Variants in MYO1C observed in about 807,000 individuals in gnomAD.
MYO1C encodes the protein myosin IC.
In MYO1C, 104 loss-of-function variants were observed where a neutral mutation model predicts 150.8. That is an observed-to-expected ratio of 0.69 (90% CI 0.59 to 0.81). The LOEUF (loss-of-function observed/expected upper bound fraction) is 0.81, where lower values mean the gene tolerates loss of function less well. Ranked by LOEUF, MYO1C falls within the 30% of genes least tolerant of loss-of-function variation. The pLI, the probability that MYO1C is intolerant of heterozygous loss-of-function variation, is 0.00. For missense variants in MYO1C, 1,504 were observed against 1,435.0 expected, an observed-to-expected ratio of 1.05 and a Z score of -0.78; for synonymous variants, 663 against 579.9, an observed-to-expected ratio of 1.14 and a Z score of -2.06.
In MYO1C at chr17:1,479,510, G is replaced by T; in HGVS notation, c.1021-8C>A. On this transcript the variant is annotated splice_polypyrimidine_tract_variant and splice_region_variant and intron_variant, in intron 8 of 31. Transcript: ENST00000648651. The surrounding 1 kb of genome is among the most constrained non-coding windows in gnomAD (Gnocchi z 4.2). Reference sequence around the variant, plus strand: ...GCCTTCCACGCTGAGGAGCTGCCAAGGGCAGGCGAGGACACGGTGAGGGTG... The same window carrying T: ...GCCTTCCACGCTGAGGAGCTGCCAATGGCAGGCGAGGACACGGTGAGGGTG... 1 of 1,514,826 alleles carries T rather than the reference G, an allele frequency of 6.6e-7. No homozygotes were observed. The highest frequency in any genetic ancestry group is 9.0e-7 in the Non-Finnish European group (1 of 1,112,260). The allele number at this position is 1,514,826 out of a possible 1,614,324, so 93.8% of individuals were successfully genotyped here.
intron 7 of MYO1C, among the ~76,000 whole-genome samples, chr17:1,480,307 G>A (rs1046162693): frequency 6.6e-6 from 1 of 151,800 alleles, no homozygotes; most frequent in African/African-American, 2.4e-5. Flanking sequence ...AATTAGCTGG[G>A]CGTGGTGGCG....
intron 4 of MYO1C, 34 bp from the exon 5 acceptor site, chr17:1,482,592 C>T (rs371884502): frequency 1.1e-5 from 17 of 1,588,528 alleles, no homozygotes; most frequent in Admixed American, 3.3e-5. Context: ...GGACACCTGG[C>T]ACTCTCCCCC....
rs1555524117 is a variant in MYO1C, at chr17:1,491,449, C to CA, written c.75+963_75+964insT. ...CGCCGGCGCCTCCGGGTCGTGGGAC[C>CA]CCCCCCCCCCGCACGGGTCCACGCG... On this transcript the variant is annotated intron_variant, in intron 1 of 31. Coordinates refer to ENST00000648651, the MANE Select transcript of MYO1C (RefSeq NM_001080779.2). 7.9e-3 allele frequency among the ~76,000 whole-genome samples: 481 copies of CA among 61,028 alleles called. 10 individuals are homozygous for CA. Among genetic ancestry groups the CA allele is most frequent in the African/African-American group, 0.027 (464 of 17,222 alleles). 40.0% of individuals were successfully genotyped at this position (61,028 alleles called of 152,430 possible).
chr17:1,474,711 T>A, intron 16 of MYO1C, 21 bp from the exon 17 acceptor site: 1 of 1,613,784 alleles, frequency 6.2e-7, no homozygotes, highest in Non-Finnish European at 8.5e-7. Context: ...AGAGCCGGGG[T>A]CAGGGTGGGG....
chr17:1,468,553 G>C, intron 25 of MYO1C, 57 bp from the exon 26 acceptor site: 1 of 1,423,718 alleles, frequency 7.0e-7, no homozygotes, highest in East Asian at 2.3e-5. Context: ...ATCTTGGGGG[G>C]GCAGAGCCAG....
intron 1 of MYO1C, chr17:1,485,671 T>G: frequency 8.3e-7 from 1 of 1,200,614 alleles, no homozygotes; most frequent in Non-Finnish European, 1.0e-6. Context: ...CCCCCCGCCC[T>G]GCCCCGCCGC....
intron 7 of MYO1C, among the ~76,000 whole-genome samples, chr17:1,480,157 A>AC (rs2074488751): frequency 6.9e-6 from 1 of 145,182 alleles, no homozygotes; most frequent in East Asian, 2.1e-4. Context: ...AAAAAAAAAA[A>AC]AAAAAAAAAA....
At chr17:1,481,252 GTCC>G (rs1004216665) in intron 5 of MYO1C, 12 of 289,970 alleles carry the variant, frequency 4.1e-5, no homozygotes, top group African/African-American at 2.6e-4. Context: ...GGACTTGGCA[GTCC>G]TCCTGGAAGC....
At chr17:1,481,617 C>G (rs1198854870) in intron 5 of MYO1C, among the ~76,000 whole-genome samples, 2 of 152,014 alleles carry the variant, frequency 1.3e-5, no homozygotes, top group African/African-American at 4.8e-5. Flanking sequence ...TCTCCTGCCT[C>G]AGCCTCCTGA....
intron 1 of MYO1C, chr17:1,485,843 G>T: frequency 2.5e-6 from 1 of 395,108 alleles, no homozygotes; most frequent in Non-Finnish European, 3.5e-6. Flanking sequence ...GAAGCGCGGG[G>T]CTTCCCCGGC....
intron 1 of MYO1C, among the ~76,000 whole-genome samples, chr17:1,487,284 C>T (rs533184680): frequency 1.5e-3 from 234 of 152,364 alleles, no homozygotes; most frequent in South Asian, 4.8e-3. Context: ...GAGCCTCAGG[C>T]GCGTCTGCAG....
rs201716389 is a variant in MYO1C, at chr17:1,483,711, G to A, written c.246C>T (p.Pro82=). The change falls in exon 3 of 32, where the codon CCC becomes CCT. Residue 82 remains proline (P), a synonymous_variant. Transcript: ENST00000648651. ...RENLIYTYIG[P]VLVSVNPYRD... The stretch of plus-strand genomic sequence containing the variant: ...GGTAGGGATTGACAGAGACCAGGAC[G>A]GGGCCAATGTAGGTCTGGGATCGGG... The A allele has an allele frequency of 1.6e-4, 256 of 1,611,736 alleles. 2 individuals are homozygous for A. Among genetic ancestry groups the A allele is most frequent in the Admixed American group, 5.0e-5 (3 of 59,644 alleles).
At chr17:1,474,300 C>T (rs1228848117) in intron 17 of MYO1C, among the ~76,000 whole-genome samples, 4 of 152,092 alleles carry the variant, frequency 2.6e-5, no homozygotes, top group South Asian at 4.2e-4. Flanking sequence ...TGGTGGCAGG[C>T]GCCTGTAATC....
intron 1 of MYO1C, among the ~76,000 whole-genome samples, chr17:1,488,466 C>A (rs1436316024): frequency 2.6e-5 from 4 of 152,232 alleles, no homozygotes; most frequent in Non-Finnish European, 4.4e-5. Flanking sequence ...GCGCCTCCTG[C>A]GTTCTCCGCG....
intron 14 of MYO1C, chr17:1,477,172 T>C: frequency 3.5e-6 from 1 of 283,454 alleles, no homozygotes; most frequent in South Asian, 5.2e-5. Context: ...CATTATTTAT[T>C]TTTTTCCCTT....
rs140549082 is a variant in MYO1C, at chr17:1,483,638, C to T, written c.319G>A (p.Val107Ile). The T allele has an allele frequency of 3.1e-3, 4,951 of 1,612,086 alleles. 9 individuals are homozygous for T. Among genetic ancestry groups the T allele is most frequent in the Non-Finnish European group, 3.8e-3 (4,423 of 1,179,350 alleles). The change falls in exon 3 of 32, where the codon GTC becomes ATC. Residue 107 changes from valine (V) to isoleucine (I), a missense_variant. By Grantham distance (29) the Val-to-Ile change is conservative (BLOSUM62 3). Transcript: ENST00000648651. ...TGAGGGGGCACTTCATAGAAGCTGA[C>T]GCCACGGTAACGCTCCATATGCTGC... ...SRQHMERYRG[V>I]SFYEVPPHLF...
intron 5 of MYO1C, 134 bp downstream of exon 5, chr17:1,482,344 A>G: frequency 2.4e-6 from 2 of 821,224 alleles, no homozygotes; most frequent in South Asian, 2.8e-5. Context: ...ATCACCCTGG[A>G]AGGCAGGATT....
intron 31 of MYO1C, among the ~76,000 whole-genome samples, chr17:1,466,347 T>G (rs2074170995): frequency 6.6e-6 from 1 of 151,974 alleles, no homozygotes; most frequent in Non-Finnish European, 1.5e-5. Context: ...ATACAAATTC[T>G]GAGATGGAAT....
Position 1,477,491 on chromosome 17 carries a change from G to A in MYO1C, c.1574+14C>T, listed in dbSNP as rs201937760. Reference sequence around the variant, plus strand: ...GTGAGCCCTTGCCCCCAGCAGCCCCGCAGCCCCACTCACGTCAGGAAGTGT... The same window carrying A: ...GTGAGCCCTTGCCCCCAGCAGCCCCACAGCCCCACTCACGTCAGGAAGTGT... On this transcript the variant is annotated intron_variant, in intron 14 of 31. Coordinates refer to ENST00000648651, the MANE Select transcript of MYO1C (RefSeq NM_001080779.2). The A allele has an allele frequency of 5.5e-5, 89 of 1,612,110 alleles. No individual in the cohort carries two copies. The African/African-American group carries it at 9.5e-4, about 17-fold the overall frequency.
Sources: allele counts gnomAD v4.1 joint callset (sites outside exome capture counted in the v4.1 genomes callset), GRCh38; gene constraint gnomAD v4.1.1; non-coding constraint Gnocchi (gnomAD v3.1); transcripts MANE v1.5; gene names NCBI Gene and HGNC (gene_info 2026-07-23, HGNC 2026-07-21).